MIPOL1: variants seen among roughly 807,000 people sequenced by gnomAD.
The protein encoded by MIPOL1 is mirror-image polydactyly 1.
In MIPOL1, 57 loss-of-function variants were observed where a neutral mutation model predicts 60.9. The ratio of observed to expected loss-of-function variants is 0.94; its 90% confidence interval spans 0.76 to 1.17. The LOEUF is 1.17. Among genes scored for constraint, MIPOL1 ranks in the 50% most tolerant of loss-of-function variants. The pLI, the probability that MIPOL1 is intolerant of heterozygous loss-of-function variation, is 0.00. For synonymous variants in MIPOL1, 179 were observed against 168.8 expected (o/e 1.06, Z -0.47); for missense variants, 551 against 511.6 (o/e 1.08, Z -0.74).
At chr14:37,308,150 A>T in intron 8 of MIPOL1, 61 bp downstream of exon 8, 1 of 1,487,232 alleles carries the variant, frequency 6.7e-7, no homozygotes, top group Admixed American at 1.9e-5. Context: ...GCTTAAGTTC[A>T]ATTGAGTGGG....
chr14:37,513,306 G>A (rs2095343434), intron 12 of MIPOL1, among the ~76,000 whole-genome samples: 1 of 152,074 alleles, frequency 6.6e-6, no homozygotes, highest in African/African-American at 2.4e-5. Flanking sequence ...TGCTTGTAGA[G>A]TGGATCACCT....
chr14:37,222,638 A>G (rs1969006997), intron 1 of MIPOL1, among the ~76,000 whole-genome samples: 2 of 152,090 alleles, frequency 1.3e-5, no homozygotes, highest in South Asian at 2.1e-4. Context: ...CTTCATTTCT[A>G]TCTGAGACCT....
chr14:37,509,396 G>GAA (rs928191152), intron 12 of MIPOL1, among the ~76,000 whole-genome samples: 1 of 151,598 alleles, frequency 6.6e-6, no homozygotes, highest in Admixed American at 6.6e-5. Context: ...ATCACTCTTT[G>GAA]AAGTGTCAGG....
intron 12 of MIPOL1, among the ~76,000 whole-genome samples, chr14:37,540,129 C>T (rs1372680928): frequency 2.0e-5 from 3 of 152,178 alleles, no homozygotes; most frequent in African/African-American, 4.8e-5. Flanking sequence ...TATAAATTAC[C>T]CAGTCTTGGG....
intron 11 of MIPOL1, among the ~76,000 whole-genome samples, chr14:37,446,588 G>T (rs564542883): frequency 1.3e-5 from 2 of 152,038 alleles, no homozygotes; most frequent in Non-Finnish European, 2.9e-5. Context: ...ATACCCAAAG[G>T]ATTATAAATC....
chr14:37,404,516 A>G (rs1234224142), intron 10 of MIPOL1, among the ~76,000 whole-genome samples: 1 of 152,194 alleles, frequency 6.6e-6, no homozygotes, highest in African/African-American at 2.4e-5. Context: ...TTGAAATATG[A>G]TAAATAAAAG....
intron 6 of MIPOL1, 116 bp downstream of exon 6, chr14:37,270,641 CTTTT>C (rs66866056): frequency 3.7e-3 from 782 of 211,350 alleles, no homozygotes; most frequent in East Asian, 4.5e-3. Context: ...GGAAGCTCTC[CTTTT>C]TTTTTTTTTT....
intron 1 of MIPOL1, among the ~76,000 whole-genome samples, chr14:37,228,325 CTTTTTTTTTTT>C (rs397961053): frequency 9.5e-6 from 1 of 105,178 alleles, no homozygotes; most frequent in East Asian, 2.7e-4. Flanking sequence ...TCTTTCTTTT[CTTTTTTTTTTT>C]TTTTTTTTTT....
At chr14:37,254,662 A>T (rs1319248570) in intron 3 of MIPOL1, among the ~76,000 whole-genome samples, 1 of 151,490 alleles carries the variant, frequency 6.6e-6, no homozygotes, top group Admixed American at 6.6e-5. Context: ...AGCTAATAGG[A>T]TTTCTTCTTT....
At chr14:37,484,585 C>G (rs1566690822) in intron 11 of MIPOL1, among the ~76,000 whole-genome samples, 1 of 152,036 alleles carries the variant, frequency 6.6e-6, no homozygotes, top group South Asian at 2.1e-4. Context: ...ATCCGCCCCC[C>G]TCAGCCTCCC....
chr14:37,248,495 TAG>T (rs1170688295), intron 3 of MIPOL1, among the ~76,000 whole-genome samples: 4 of 151,588 alleles, frequency 2.6e-5, no homozygotes, highest in African/African-American at 9.7e-5. Context: ...TTGAGAGTGA[TAG>T]AGACACAGGC....
At chr14:37,249,632 A>G (rs553549437) in intron 3 of MIPOL1, among the ~76,000 whole-genome samples, 7 of 152,276 alleles carry the variant, frequency 4.6e-5, no homozygotes, top group Middle Eastern at 3.4e-3. Flanking sequence ...TTTTTTGTGC[A>G]AAGTTAATAG....
chr14:37,515,628 A>G (rs1009432433), intron 12 of MIPOL1, among the ~76,000 whole-genome samples: 3 of 152,204 alleles, frequency 2.0e-5, no homozygotes, highest in African/African-American at 7.2e-5. Context: ...TAGTATCTTG[A>G]AAAATCTTTC....
chr14:37,233,019 T>G (rs1156284275), intron 1 of MIPOL1, among the ~76,000 whole-genome samples: 2 of 152,236 alleles, frequency 1.3e-5, no homozygotes, highest in Non-Finnish European at 2.9e-5. Context: ...ATCCACTCCA[T>G]GCATGTATGG....
intron 12 of MIPOL1, among the ~76,000 whole-genome samples, chr14:37,521,908 ATAT>A (rs1407304850): frequency 3.4e-4 from 7 of 20,658 alleles, no homozygotes; most frequent in Non-Finnish European, 5.4e-4. Flanking sequence ...ATATATATAT[ATAT>A]TTTTTTTTTC....
intron 6 of MIPOL1, 116 bp downstream of exon 6, chr14:37,270,641 CTTTTTTT>C: frequency 3.3e-5 from 7 of 211,854 alleles, no homozygotes; most frequent in South Asian, 1.7e-4. Context: ...GGAAGCTCTC[CTTTTTTT>C]TTTTTTTTTT....
At chr14:37,419,777 G>A (rs933775966) in intron 10 of MIPOL1, among the ~76,000 whole-genome samples, 3 of 151,412 alleles carry the variant, frequency 2.0e-5, no homozygotes, top group Non-Finnish European at 2.9e-5. Context: ...GTCTCACTTT[G>A]TCGACCAGGC....
At chr14:37,334,954 G>A (rs895650847) in intron 9 of MIPOL1, among the ~76,000 whole-genome samples, 2 of 151,840 alleles carry the variant, frequency 1.3e-5, no homozygotes, top group Non-Finnish European at 2.9e-5. Flanking sequence ...TCCACTTTGC[G>A]ACTATTAGGC....
chr14:37,453,561 TAGC>T lies in MIPOL1; in HGVS notation c.1031+30613_1031+30615del, dbSNP rs2094445757. 2.6e-5 allele frequency among the ~76,000 whole-genome samples: 4 copies of T among 152,264 alleles called. No individual in the cohort carries two copies. In the South Asian group the frequency reaches 8.3e-4, roughly 32 times the overall value. On this transcript the variant is annotated intron_variant, in intron 11 of 12. Coordinates refer to ENST00000684589, the MANE Select transcript of MIPOL1 (RefSeq NM_001388067.1). ...ACTCTGAGTAATTATTTGACCTGTT[TAGC>T]TCCATTTTTTCATTTTAAATGGAAT... is the stretch of plus-strand genomic sequence containing the variant.
Sources: gnomAD v4.1 joint callset for allele counts (sites outside exome capture counted in the v4.1 genomes callset) on GRCh38, gnomAD v4.1.1 for gene constraint, MANE v1.5 for transcripts, NCBI Gene and HGNC (gene_info 2026-07-23, HGNC 2026-07-21) for gene names.